Variants in PIP5K1C observed in about 807,000 individuals in gnomAD.
PIP5K1C encodes the protein phosphatidylinositol 4-phosphate 5-kinase type-1 gamma.
A neutral mutation model predicts 80.1 loss-of-function variants in PIP5K1C; 45 were observed. The observed-to-expected ratio is 0.56, with a 90% CI of 0.44 to 0.72. The LOEUF is 0.72. Among genes scored for constraint, PIP5K1C ranks in the 30% least tolerant of loss-of-function variants. The pLI, the probability that PIP5K1C is intolerant of heterozygous loss-of-function variation, is 0.00. For missense variants in PIP5K1C, 753 were observed against 954.6 expected (o/e 0.79, Z 2.78); for synonymous variants, 498 against 420.1 (o/e 1.19, Z -2.27).
At chr19:3,640,735 G>A (rs1302335496) in intron 15 of PIP5K1C, among the ~76,000 whole-genome samples, 3 of 151,260 alleles carry the variant, frequency 2.0e-5, no homozygotes, top group Admixed American at 2.0e-4. Flanking sequence ...CGCTTAGGAT[G>A]GAGTGCAGTG....
rs982044823 is a variant in PIP5K1C at position 3,649,064 on chromosome 19, T to G, written c.1128-356A>C. On this transcript the variant is annotated intron_variant, in intron 8 of 17. Coordinates refer to ENST00000335312, the MANE Select transcript of PIP5K1C (RefSeq NM_012398.3). ...GGGAGTTAATTGTCACCCGGCACCA[T>G]GCCCACACGTCCCCTGCCCAGCGCG... 2.7e-5 allele frequency among the ~76,000 whole-genome samples: 4 copies of G among 149,428 alleles called. No individual in the cohort carries two copies. In the East Asian group the frequency reaches 6.0e-4, roughly 22 times the overall value.
chr19:3,658,433 C>T (rs929085672), intron 5 of PIP5K1C, among the ~76,000 whole-genome samples: 1 of 152,248 alleles, frequency 6.6e-6, no homozygotes. Flanking sequence ...CCCACAGCCA[C>T]GAGCCACAAA....
intron 2 of PIP5K1C, among the ~76,000 whole-genome samples, chr19:3,665,868 T>G (rs1485973855): frequency 6.6e-6 from 1 of 152,038 alleles, no homozygotes; most frequent in East Asian, 1.9e-4. Flanking sequence ...GGAGCGCCAC[T>G]GCGTTTGCTA....
At chr19:3,643,882 C>A (rs941119108) in intron 12 of PIP5K1C, among the ~76,000 whole-genome samples, 17 of 152,126 alleles carry the variant, frequency 1.1e-4, no homozygotes, top group Non-Finnish European at 1.6e-4. Flanking sequence ...ACCACCCCAC[C>A]TGGTGGAGCC....
rs755772026 is a variant in PIP5K1C, at chr19:3,661,972, G to A, written c.249C>T (p.Ile83=). Residue 83 remains isoleucine, a synonymous_variant, in exon 4 of 18, where the codon ATC becomes ATT. Transcript: ENST00000335312. The part of the protein sequence containing the change: ...KTTSSTLKGA[I]QLGIGYTVGH... The stretch of plus-strand genomic sequence containing the variant: ...CCACGGTGTAGCCGATGCCCAGCTG[G>A]ATGGCACCCTTCAGGGTGGAGGAGG... The A allele has an allele frequency of 1.9e-6, 3 of 1,607,794 alleles. No individual in the cohort carries two copies. The African/African-American group carries it at 4.0e-5, about 21-fold the overall frequency.
chr19:3,686,027 CT>C (rs2035749131), intron 1 of PIP5K1C, among the ~76,000 whole-genome samples: 1 of 151,366 alleles, frequency 6.6e-6, no homozygotes, highest in Non-Finnish European at 1.5e-5. Context: ...CTGGCTAATT[CT>C]TTTTTCAGAA....
intron 16 of PIP5K1C, chr19:3,638,152 G>A (rs1375594490): frequency 3.0e-5 from 32 of 1,066,638 alleles, no homozygotes; most frequent in Middle Eastern, 3.1e-4. Context: ...TGCAGCCTCC[G>A]GCCCTCCCTG....
intron 2 of PIP5K1C, among the ~76,000 whole-genome samples, chr19:3,665,474 G>A (rs1325736869): frequency 6.6e-6 from 1 of 152,170 alleles, no homozygotes; most frequent in Non-Finnish European, 1.5e-5. Flanking sequence ...ACAGGACTGA[G>A]GTGGGGGTGG....
intron 16 of PIP5K1C, among the ~76,000 whole-genome samples, chr19:3,634,900 G>A (rs2033616652): frequency 6.6e-6 from 1 of 152,274 alleles, no homozygotes; most frequent in African/African-American, 2.4e-5. Flanking sequence ...ACTGACTCCT[G>A]CACTGAGGGG....
At chr19:3,667,267 G>A in intron 2 of PIP5K1C, 55 bp downstream of exon 2, 1 of 1,504,010 alleles carries the variant, frequency 6.6e-7, no homozygotes. Flanking sequence ...CGCGAGTAGG[G>A]AGGCAGCAGG....
At chr19:3,689,463 A>G (rs1346565583) in intron 1 of PIP5K1C, among the ~76,000 whole-genome samples, 3 of 152,058 alleles carry the variant, frequency 2.0e-5, no homozygotes, top group Non-Finnish European at 4.4e-5. Context: ...CACCTGGCCA[A>G]CATGGTGAAA....
intron 6 of PIP5K1C, among the ~76,000 whole-genome samples, chr19:3,654,658 A>G (rs1489346513): frequency 6.6e-6 from 1 of 152,088 alleles, no homozygotes; most frequent in Non-Finnish European, 1.5e-5. Flanking sequence ...TCTATTAAAA[A>G]TAAAAATTAG....
At chr19:3,684,759 C>A (rs778006381) in intron 1 of PIP5K1C, among the ~76,000 whole-genome samples, 7 of 152,246 alleles carry the variant, frequency 4.6e-5, no homozygotes, top group Non-Finnish European at 1.0e-4. Context: ...GGTCACCCGG[C>A]ACGTAGGGCC....
intron 1 of PIP5K1C, among the ~76,000 whole-genome samples, chr19:3,681,621 C>G: frequency 6.6e-6 from 1 of 152,150 alleles, no homozygotes; most frequent in East Asian, 1.9e-4. Flanking sequence ...CAAGCTGCGT[C>G]TCTGACCCTC....
intron 11 of PIP5K1C, 108 bp from the exon 12 acceptor site, chr19:3,644,359 C>A: frequency 2.8e-6 from 3 of 1,088,256 alleles, no homozygotes; most frequent in African/African-American, 1.5e-5. Context: ...CCCACCAGAC[C>A]CCTACCGGTC....
At chr19:3,656,708 T>C (rs959387846) in intron 5 of PIP5K1C, 151 bp from the exon 6 acceptor site, 18 of 926,692 alleles carry the variant, frequency 1.9e-5, no homozygotes, top group Non-Finnish European at 2.9e-5. Flanking sequence ...GCGAGAGACT[T>C]GCCTGAGGCT....
At chr19:3,678,701 G>T (rs2145566557) in intron 1 of PIP5K1C, among the ~76,000 whole-genome samples, 5 of 129,406 alleles carry the variant, frequency 3.9e-5, no homozygotes, top group East Asian at 2.6e-4. Flanking sequence ...GCGAGATGGA[G>T]GGCGGGAGGG....
chr19:3,689,124 C>G (rs1262484834), intron 1 of PIP5K1C, among the ~76,000 whole-genome samples: 1 of 152,174 alleles, frequency 6.6e-6, no homozygotes, highest in Non-Finnish European at 1.5e-5. Context: ...GCTCAGTAAT[C>G]CAGTTATTCT....
chr19:3,691,587 C>A (rs1001227492), intron 1 of PIP5K1C, among the ~76,000 whole-genome samples: 2 of 152,194 alleles, frequency 1.3e-5, no homozygotes, highest in Non-Finnish European at 2.9e-5. Context: ...GCACACCCAG[C>A]CCATCTACCC....
Sources: gnomAD v4.1 joint callset for allele counts (sites outside exome capture counted in the v4.1 genomes callset) on GRCh38, gnomAD v4.1.1 for gene constraint, MANE v1.5 for transcripts, NCBI Gene and HGNC (gene_info 2026-07-23, HGNC 2026-07-21) for gene names.